ZNF469: variants seen among roughly 807,000 people sequenced by gnomAD.
ZNF469 encodes the protein zinc finger protein 469.
A neutral mutation model predicts 1.0 loss-of-function variants in ZNF469; 1 was observed. That is an observed-to-expected ratio of 1.00 (90% CI 0.35 to 4.73). ZNF469 has a LOEUF of 4.73. ZNF469 is among the 30% of genes most tolerant of loss of function. The pLI is 0.16. For missense variants in ZNF469, 6,100 were observed against 5,356.3 expected (o/e 1.14, Z -4.33); for synonymous variants, 2,703 against 2,363.4 (o/e 1.14, Z -4.17).
chr16:88,256,541 A>C, the ZNF469 span, among the ~76,000 whole-genome samples: 1 of 152,240 alleles, frequency 6.6e-6, no homozygotes, highest in African/African-American at 2.4e-5. Flanking sequence ...ATGTGAACAT[A>C]AGTTTCCAAC....
chr16:88,321,644 A>C, the ZNF469 span, among the ~76,000 whole-genome samples: 1 of 152,048 alleles, frequency 6.6e-6, no homozygotes, highest in Admixed American at 6.5e-5. Flanking sequence ...ATCTGATTGG[A>C]TGTGACCCTC....
Position 88,438,021 on chromosome 16 carries a change from C to T in ZNF469, c.10551C>T (p.Pro3517=). The change falls in exon 3 of 3, where the codon CCC becomes CCT. Residue 3517 remains proline, a synonymous_variant. Coordinates refer to ENST00000565624, the MANE Select transcript of ZNF469 (RefSeq NM_001367624.2). ...TCCACCTGTGTTCGGAGGTGGCTCCCAGCACCACCAAGGGATGGCCCGAGA... is the reference window on the plus strand; with the variant it reads ...TCCACCTGTGTTCGGAGGTGGCTCCTAGCACCACCAAGGGATGGCCCGAGA... ...ALLHLCSEVA[P]STTKGWPETL... The T allele has an allele frequency of 6.5e-7, 1 of 1,549,902 alleles. No individual in the cohort carries two copies. The highest frequency in any genetic ancestry group is 8.7e-7 in the Non-Finnish European group (1 of 1,146,922).
chr16:88,425,572 G>A (rs1905665059), intron 2 of ZNF469, among the ~76,000 whole-genome samples: 1 of 152,188 alleles, frequency 6.6e-6, no homozygotes, highest in Non-Finnish European at 1.5e-5. Context: ...CCACCTCTCT[G>A]TGCCTGGATT....
the ZNF469 span, among the ~76,000 whole-genome samples, chr16:88,104,168 C>T: frequency 3.3e-5 from 5 of 151,668 alleles, no homozygotes; most frequent in South Asian, 1.0e-3. Flanking sequence ...TGGCCAGGAC[C>T]ACCTGGCAGG....
At chr16:88,101,815 A>G in the ZNF469 span, among the ~76,000 whole-genome samples, 4 of 152,202 alleles carry the variant, frequency 2.6e-5, no homozygotes, top group African/African-American at 9.7e-5. Flanking sequence ...TGAAAGTGAC[A>G]ATCGCAGCTT....
At chr16:88,354,941 G>T in the ZNF469 span, among the ~76,000 whole-genome samples, 1 of 152,196 alleles carries the variant, frequency 6.6e-6, no homozygotes, top group Non-Finnish European at 1.5e-5. Flanking sequence ...GGGGGCAGGG[G>T]GCTGAGAAGA....
the ZNF469 span, among the ~76,000 whole-genome samples, chr16:88,296,619 C>T: frequency 6.6e-6 from 1 of 152,040 alleles, no homozygotes; most frequent in Non-Finnish European, 1.5e-5. Context: ...CATGCTCACA[C>T]TCATGCACAC....
chr16:88,193,195 GTGATGGTGGTGGGGATGGTGGTGA>G, the ZNF469 span, among the ~76,000 whole-genome samples: 12 of 89,580 alleles, frequency 1.3e-4, no homozygotes, highest in Middle Eastern at 7.2e-3. Flanking sequence ...GGTGGTGGTG[GTGATGGTGGTGGGGATGGTGGTGA>G]TGGTGGTGGT....
chr16:88,405,408 C>T (rs1344699855), intron 1 of ZNF469, among the ~76,000 whole-genome samples: 1 of 152,208 alleles, frequency 6.6e-6, no homozygotes, highest in East Asian at 1.9e-4. Flanking sequence ...GTGGTGCCTC[C>T]CGGCAACAGT....
the ZNF469 span, among the ~76,000 whole-genome samples, chr16:88,165,432 C>T: frequency 2.6e-5 from 4 of 152,270 alleles, no homozygotes; most frequent in East Asian, 7.7e-4. Context: ...GGCACCATTT[C>T]AGGAGGGCTC....
the ZNF469 span, among the ~76,000 whole-genome samples, chr16:88,240,061 A>G: frequency 6.7e-6 from 1 of 150,006 alleles, no homozygotes; most frequent in Non-Finnish European, 1.5e-5. Context: ...CTGCCCAGAG[A>G]AGAGCCAAAC....
intron 1 of ZNF469, among the ~76,000 whole-genome samples, chr16:88,398,988 G>C (rs899274340): frequency 3.9e-5 from 6 of 152,226 alleles, no homozygotes; most frequent in African/African-American, 1.4e-4. Flanking sequence ...TAACAGATAA[G>C]AAAACACAGC....
In ZNF469 at chr16:88,394,154, G is replaced by A. The variant is rs570086234; in HGVS notation, c.-192+10900G>A. Among the ~76,000 whole-genome samples the A allele has an allele frequency of 4.6e-5, 7 of 151,132 alleles. 1 individual carries two copies. The highest frequency in any genetic ancestry group is 1.9e-4 in the East Asian group (1 of 5,130). On this transcript the variant is annotated intron_variant, in intron 1 of 2. Transcript: ENST00000565624. ...TGACACGCCTACACCTGCGCTGTCC[G>A]AGAGGGATGGGGTTTGACAGGTCTA...
chr16:88,230,054 T>C, the ZNF469 span, among the ~76,000 whole-genome samples: 4 of 152,216 alleles, frequency 2.6e-5, no homozygotes, highest in African/African-American at 7.2e-5. Context: ...TCAGACTGTT[T>C]CCAAAGTCCA....
At chr16:88,112,715 C>T in the ZNF469 span, among the ~76,000 whole-genome samples, 1 of 150,272 alleles carries the variant, frequency 6.7e-6, no homozygotes, top group African/African-American at 2.4e-5. Flanking sequence ...GAAAATATTT[C>T]CTCCCATTCT....
the ZNF469 span, among the ~76,000 whole-genome samples, chr16:88,304,130 A>G: frequency 6.6e-6 from 1 of 152,156 alleles, no homozygotes; most frequent in Admixed American, 6.5e-5. Context: ...GCAGTTTGCA[A>G]CCTTCACATA....
At chr16:88,280,402 G>A in the ZNF469 span, among the ~76,000 whole-genome samples, 28 of 151,772 alleles carry the variant, frequency 1.8e-4, 1 homozygote, top group African/African-American at 5.6e-4. Context: ...CCACACCAAC[G>A]CTTAGTCAGT....
chr16:88,359,799 A>C, the ZNF469 span, among the ~76,000 whole-genome samples: 1 of 152,350 alleles, frequency 6.6e-6, no homozygotes, highest in Non-Finnish European at 1.5e-5. Flanking sequence ...AGCTCGAAAG[A>C]ATTCTACAGT....
At position 88,428,362 on chromosome 16, in the gene ZNF469, A is replaced by G; in HGVS notation, c.892A>G (p.Thr298Ala). 1 of 1,548,934 alleles carries G rather than the reference A, an allele frequency of 6.5e-7. No individual in the cohort carries two copies. The highest frequency in any genetic ancestry group is 8.7e-7 in the Non-Finnish European group (1 of 1,146,868). Residue 298 changes from threonine (T) to alanine (A), a missense_variant, in exon 3 of 3, where the codon ACC becomes GCC. Thr to Ala is a moderately conservative substitution (Grantham distance 58, BLOSUM62 0). Transcript: ENST00000565624. ...FPADVAGHAF[T>A]NGPLVFAFHQ... The stretch of plus-strand genomic sequence containing the variant: ...TGCGGATGTGGCTGGGCACGCATTC[A>G]CCAATGGGCCACTGGTGTTTGCCTT...
Sources: gnomAD v4.1 joint callset for allele counts (sites outside exome capture counted in the v4.1 genomes callset) on GRCh38, gnomAD v4.1.1 for gene constraint, MANE v1.5 for transcripts, NCBI Gene and HGNC (gene_info 2026-07-23, HGNC 2026-07-21) for gene names.